Variants in THRB observed in about 807,000 individuals in gnomAD.
THRB encodes the protein nuclear receptor subfamily 1 group A member 2.
A neutral mutation model predicts 47.8 loss-of-function variants in THRB; 12 were observed. The ratio of observed to expected loss-of-function variants is 0.25; its 90% CI spans 0.16 to 0.41. THRB has a LOEUF of 0.41. Ranked by LOEUF, THRB falls within the 10% of genes least tolerant of loss-of-function variation. The probability of loss-of-function intolerance (pLI) is 1.00; values close to 1 mark genes in which losing one functional copy is unlikely to be tolerated. For synonymous variants in THRB, 218 were observed against 212.2 expected, an observed-to-expected ratio of 1.03 and a Z score of -0.24; for missense variants, 348 against 589.2, an observed-to-expected ratio of 0.59 and a Z score of 4.24.
In THRB at chr3:24,314,087, C is replaced by T. The variant is rs559789053; in HGVS notation, c.-188-16716G>A. Reference sequence around the variant, plus strand: ...TAATCTACTGTAGTACTGAGATAGGCGTTTTATACACCTGCTGTCATTTAA... The same window carrying T: ...TAATCTACTGTAGTACTGAGATAGGTGTTTTATACACCTGCTGTCATTTAA... On this transcript the variant is annotated intron_variant, in intron 2 of 10. Transcript: ENST00000646209. Among the ~76,000 whole-genome samples the T allele has an allele frequency of 9.2e-5, 14 of 152,224 alleles. No individual in the cohort carries two copies. In the South Asian group the frequency reaches 2.5e-3, roughly 27 times the overall value.
chr3:24,358,120 A>C (rs891868503), intron 1 of THRB, among the ~76,000 whole-genome samples: 6 of 152,182 alleles, frequency 3.9e-5, no homozygotes, highest in African/African-American at 1.4e-4. Flanking sequence ...TAAATTAATA[A>C]ATGCTTTGCA....
At chr3:24,411,068 T>C (rs1446997229) in intron 1 of THRB, among the ~76,000 whole-genome samples, 1 of 151,898 alleles carries the variant, frequency 6.6e-6, no homozygotes, top group East Asian at 2.0e-4. Context: ...GTGGCTGGGG[T>C]TAGCAGTGCA....
intron 3 of THRB, among the ~76,000 whole-genome samples, chr3:24,282,977 G>T (rs2054791259): frequency 6.6e-6 from 1 of 151,904 alleles, no homozygotes; most frequent in South Asian, 2.1e-4. Context: ...GGACCAGATG[G>T]ATTCACAGCC....
intron 4 of THRB, among the ~76,000 whole-genome samples, chr3:24,221,462 G>T (rs959247419): frequency 1.3e-5 from 2 of 152,146 alleles, no homozygotes; most frequent in African/African-American, 4.8e-5. Flanking sequence ...GCTTGCAGGA[G>T]ACTGAGATGA....
chr3:24,155,907 G>T (rs200471483), intron 5 of THRB, among the ~76,000 whole-genome samples: 1 of 137,862 alleles, frequency 7.3e-6, no homozygotes, highest in Non-Finnish European at 1.7e-5. Context: ...TAACCCTCCA[G>T]AAAAAATTAA....
At chr3:24,397,709 A>G (rs2150045155) in intron 1 of THRB, among the ~76,000 whole-genome samples, 1 of 151,544 alleles carries the variant, frequency 6.6e-6, no homozygotes, top group African/African-American at 2.4e-5. Flanking sequence ...CAGCCTCCCA[A>G]GTAGTTGAGA....
chr3:24,338,008 C>T (rs1035037177), intron 1 of THRB, among the ~76,000 whole-genome samples: 5 of 152,198 alleles, frequency 3.3e-5, no homozygotes, highest in South Asian at 2.1e-4. Context: ...CAGAGGATGT[C>T]GCCGAGTGGC....
At chr3:24,481,755 G>A (rs1696459330) in intron 1 of THRB, among the ~76,000 whole-genome samples, 1 of 151,136 alleles carries the variant, frequency 6.6e-6, no homozygotes. Flanking sequence ...CTTGAATAAA[G>A]GATATTGGGA....
At chr3:24,256,938 G>A (rs2051349669) in intron 3 of THRB, among the ~76,000 whole-genome samples, 1 of 152,198 alleles carries the variant, frequency 6.6e-6, no homozygotes, top group Non-Finnish European at 1.5e-5. Flanking sequence ...TGAATTCATA[G>A]TAGCACAAAT....
At chr3:24,256,686 A>G (rs1449056553) in intron 3 of THRB, among the ~76,000 whole-genome samples, 1 of 152,158 alleles carries the variant, frequency 6.6e-6, no homozygotes. Flanking sequence ...GAGGATGGAC[A>G]CAGATGTAGG....
intron 2 of THRB, among the ~76,000 whole-genome samples, chr3:24,306,360 C>G (rs577129345): frequency 6.6e-6 from 1 of 152,288 alleles, no homozygotes; most frequent in African/African-American, 2.4e-5. Context: ...ACAGTGTGGT[C>G]TCCTCTATAA....
chr3:24,408,067 A>G (rs2067976047), intron 1 of THRB, among the ~76,000 whole-genome samples: 1 of 151,934 alleles, frequency 6.6e-6, no homozygotes, highest in Non-Finnish European at 1.5e-5. Flanking sequence ...AAATGAATAC[A>G]ATAAACATTC....
At chr3:24,356,460 C>A (rs555135459) in intron 1 of THRB, among the ~76,000 whole-genome samples, 1 of 152,114 alleles carries the variant, frequency 6.6e-6, no homozygotes, top group African/African-American at 2.4e-5. Flanking sequence ...ATGGTCCAGG[C>A]CAGTCAAGTC....
intron 2 of THRB, among the ~76,000 whole-genome samples, chr3:24,306,870 T>TA (rs1298952824): frequency 1.3e-5 from 2 of 152,166 alleles, no homozygotes; most frequent in African/African-American, 2.4e-5. Flanking sequence ...AATTAACTGA[T>TA]AGAGTTTAAT....
At chr3:24,238,067 C>G (rs1383383811) in intron 3 of THRB, 1 of 152,094 alleles carries the variant, frequency 6.6e-6, no homozygotes, top group Non-Finnish European at 1.5e-5. Flanking sequence ...GGTGGACTAT[C>G]ATCTCCGAAC....
At chr3:24,259,221 T>G (rs958225009) in intron 3 of THRB, among the ~76,000 whole-genome samples, 48 of 152,272 alleles carry the variant, frequency 3.2e-4, no homozygotes, top group African/African-American at 1.0e-3. Context: ...AAAGACAAGC[T>G]GGCCAAGTTG....
intron 1 of THRB, among the ~76,000 whole-genome samples, chr3:24,477,084 G>GT (rs1560285264): frequency 7.4e-6 from 1 of 135,640 alleles, no homozygotes; most frequent in African/African-American, 3.6e-5. Context: ...ACATATAAAG[G>GT]GGTGTGTGTG....
intron 4 of THRB, among the ~76,000 whole-genome samples, chr3:24,201,448 C>G (rs1200617376): frequency 6.6e-6 from 1 of 152,168 alleles, no homozygotes; most frequent in African/African-American, 2.4e-5. Context: ...TGTGGGATTT[C>G]TGCCTCCAGA....
At chr3:24,437,131 TTATTA>T (rs892064135) in intron 1 of THRB, among the ~76,000 whole-genome samples, 2 of 133,104 alleles carry the variant, frequency 1.5e-5, no homozygotes, top group Non-Finnish European at 3.0e-5. Context: ...TAATGAAATA[TTATTA>T]TATTATATAT....
Sources: allele counts gnomAD v4.1 joint callset (sites outside exome capture counted in the v4.1 genomes callset), GRCh38; gene constraint gnomAD v4.1.1; transcripts MANE v1.5; gene names NCBI Gene and HGNC (gene_info 2026-07-23, HGNC 2026-07-21).